The following COQ3 variants were observed in gnomAD, a reference collection of about 807,000 sequenced individuals.
COQ3 encodes the protein ubiquinone biosynthesis O-methyltransferase, mitochondrial.
A neutral mutation model predicts 33.1 loss-of-function variants in COQ3; 29 were observed. The ratio of observed to expected loss-of-function variants is 0.88; its 90% confidence interval spans 0.65 to 1.19. The LOEUF (loss-of-function observed/expected upper bound fraction) is 1.19. Ranked by LOEUF, COQ3 falls within the 50% of genes most tolerant of loss-of-function variation. The probability of loss-of-function intolerance (pLI) is 0.00; values close to 1 mark genes in which losing one functional copy is unlikely to be tolerated. For missense variants in COQ3, 437 were observed against 430.7 expected, an observed-to-expected ratio of 1.01 and a Z score of -0.13; for synonymous variants, 173 against 157.8, an observed-to-expected ratio of 1.10 and a Z score of -0.72.
intron 3 of COQ3, among the ~76,000 whole-genome samples, chr6:99,379,304 TTAAG>T (rs1302555645): frequency 2.0e-5 from 3 of 152,182 alleles, no homozygotes; most frequent in Non-Finnish European, 4.4e-5. Context: ...ATTCATCACG[TTAAG>T]TGAGAATTCT....
chr6:99,381,925 C>CAA (rs57680059), intron 2 of COQ3, among the ~76,000 whole-genome samples: 3,331 of 121,622 alleles, frequency 0.027, 62 homozygotes, highest in East Asian at 0.045. Context: ...GACTCTGTCT[C>CAA]AAAAAAAAAA....
At chr6:99,386,162 GC>G (rs1184269346) in intron 1 of COQ3, among the ~76,000 whole-genome samples, 1 of 151,936 alleles carries the variant, frequency 6.6e-6, no homozygotes, top group Non-Finnish European at 1.5e-5. Context: ...GGGTGAGGGG[GC>G]TCACATCTGT....
rs1273881614 is a variant in COQ3, at chr6:99,380,323, C to G, written c.252G>C (p.Leu84=). ...IKSFRYPWAR[L]YSTSQTTVDS... Reference sequence around the variant, plus strand: ...CGACAGTGGTTTGGGAAGTACTGTACAGTCTCGCCCAAGGGTACCTAAAAG... The same window carrying G: ...CGACAGTGGTTTGGGAAGTACTGTAGAGTCTCGCCCAAGGGTACCTAAAAG... Residue 84 remains leucine, a synonymous_variant, in exon 3 of 7, where the codon CTG becomes CTC. Coordinates refer to ENST00000254759, the MANE Select transcript of COQ3 (RefSeq NM_017421.4). 6.2e-7 allele frequency: 1 copy of G among 1,613,850 alleles called. No homozygotes were observed. The highest frequency in any genetic ancestry group is 1.1e-5 in the South Asian group (1 of 91,056).
intron 3 of COQ3, among the ~76,000 whole-genome samples, chr6:99,378,345 C>A (rs1774367141): frequency 6.6e-6 from 1 of 151,580 alleles, no homozygotes; most frequent in African/African-American, 2.4e-5. Flanking sequence ...ACAGAAAAGA[C>A]CCATTTCAAA....
intron 3 of COQ3, among the ~76,000 whole-genome samples, chr6:99,379,258 A>G (rs561400532): frequency 6.6e-6 from 1 of 152,306 alleles, no homozygotes; most frequent in East Asian, 1.9e-4. Flanking sequence ...GATAAAAAAT[A>G]TTTTTAAAGG....
intron 1 of COQ3, among the ~76,000 whole-genome samples, chr6:99,386,842 T>C (rs1379469968): frequency 6.6e-6 from 1 of 152,138 alleles, no homozygotes; most frequent in Non-Finnish European, 1.5e-5. Flanking sequence ...CGCTGGTGAA[T>C]TCTACCAAAC....
chr6:99,371,526 A>G lies in COQ3; in HGVS notation c.791T>C (p.Ile264Thr). The G allele has an allele frequency of 1.2e-6, 2 of 1,608,510 alleles. No homozygotes were observed. Among genetic ancestry groups the G allele is most frequent in the East Asian group, 2.2e-5 (1 of 44,588 alleles). The part of the protein sequence containing the change: ...NKTQLSYALG[I>T]VFSEQIASIV... Reference sequence around the variant, plus strand: ...ACTTGCAATTTGCTCTGAAAAAACAATTCCCAAGGCATAGGAAAGTTGTGT... The same window carrying G: ...ACTTGCAATTTGCTCTGAAAAAACAGTTCCCAAGGCATAGGAAAGTTGTGT... Residue 264 changes from isoleucine to threonine, a missense_variant, in exon 6 of 7, where the codon ATT becomes ACT. Physicochemically the swap from Ile to Thr is moderately conservative, Grantham distance 89. Coordinates refer to ENST00000254759, the MANE Select transcript of COQ3 (RefSeq NM_017421.4).
At chr6:99,390,814 C>G (rs1774803940) in intron 1 of COQ3, among the ~76,000 whole-genome samples, 5 of 152,182 alleles carry the variant, frequency 3.3e-5, no homozygotes, top group Admixed American at 3.3e-4. Flanking sequence ...CCCACCTCAG[C>G]CCCTCGAGTA....
chr6:99,391,732 T>TCAATG (rs1353473616), intron 1 of COQ3, among the ~76,000 whole-genome samples: 2 of 152,280 alleles, frequency 1.3e-5, no homozygotes, highest in Non-Finnish European at 2.9e-5. Flanking sequence ...ACGCAGTGGC[T>TCAATG]CAATGCCTGT....
intron 1 of COQ3, among the ~76,000 whole-genome samples, chr6:99,386,876 C>A (rs985444964): frequency 1.3e-5 from 2 of 152,058 alleles, no homozygotes; most frequent in Non-Finnish European, 2.9e-5. Flanking sequence ...ACAACCAATT[C>A]TACTTAATCT....
At chr6:99,373,433 A>C (rs1262559966) in intron 5 of COQ3, among the ~76,000 whole-genome samples, 1 of 139,580 alleles carries the variant, frequency 7.2e-6, no homozygotes, top group Non-Finnish European at 1.6e-5. Context: ...CCTGTCTCTG[A>C]AAAAAAAAAA....
intron 5 of COQ3, among the ~76,000 whole-genome samples, chr6:99,373,016 T>G (rs1040470352): frequency 2.6e-5 from 4 of 152,122 alleles, no homozygotes; most frequent in Non-Finnish European, 5.9e-5. Flanking sequence ...AACAAAAATA[T>G]CATACACTAT....
Position 99,369,431 on chromosome 6 carries a change from C to T in COQ3, c.*169G>A, listed in dbSNP as rs979506692. 1.7e-6 allele frequency: 1 copy of T among 582,918 alleles called. No homozygotes were observed. Among genetic ancestry groups the T allele is most frequent in the Non-Finnish European group, 3.0e-6 (1 of 331,930 alleles). 36.1% of individuals were successfully genotyped at this position (582,918 alleles called of 1,614,324 possible). Reference sequence around the variant, plus strand: ...TGACAAAACTTTTTATTCACAGAATCCCTTGAAAGTAGCTATTAGACGAAA... The same window carrying T: ...TGACAAAACTTTTTATTCACAGAATTCCTTGAAAGTAGCTATTAGACGAAA... On this transcript the variant is annotated 3_prime_UTR_variant, in exon 7 of 7. Coordinates refer to ENST00000254759, the MANE Select transcript of COQ3 (RefSeq NM_017421.4).
At chr6:99,388,533 C>T (rs1258927130) in intron 1 of COQ3, among the ~76,000 whole-genome samples, 2 of 150,918 alleles carry the variant, frequency 1.3e-5, no homozygotes, top group African/African-American at 4.9e-5. Flanking sequence ...CACAGACATG[C>T]TGATTTTAAA....
chr6:99,383,600 C>T (rs1774531949), intron 2 of COQ3, 98 bp downstream of exon 2: 2 of 833,886 alleles, frequency 2.4e-6, no homozygotes, highest in African/African-American at 1.8e-5. Flanking sequence ...AATCAAGACA[C>T]ATGGACTATT....
At chr6:99,374,362 C>T (rs959850643) in intron 5 of COQ3, among the ~76,000 whole-genome samples, 2 of 152,078 alleles carry the variant, frequency 1.3e-5, no homozygotes, top group Admixed American at 6.6e-5. Context: ...ATTTTGTGCC[C>T]TAGGTGTCTC....
At chr6:99,379,327 G>C (rs1411800322) in intron 3 of COQ3, among the ~76,000 whole-genome samples, 3 of 152,220 alleles carry the variant, frequency 2.0e-5, no homozygotes, top group Non-Finnish European at 2.9e-5. Flanking sequence ...CTCACGTTAA[G>C]TGAGAATGGT....
At chr6:99,383,858 T>A (rs761107893) in intron 1 of COQ3, 34 bp from the exon 2 acceptor site, 14 of 1,506,704 alleles carry the variant, frequency 9.3e-6, no homozygotes, top group African/African-American at 2.9e-5. Flanking sequence ...AGAGAAAAGC[T>A]TTGCACAGTA....
chr6:99,386,203 G>A (rs1343699812), intron 1 of COQ3, among the ~76,000 whole-genome samples: 2 of 152,072 alleles, frequency 1.3e-5, no homozygotes, highest in Non-Finnish European at 2.9e-5. Flanking sequence ...GCCAAGGCAA[G>A]TGGATCACTT....
Sources: gnomAD v4.1 joint callset for allele counts (sites outside exome capture counted in the v4.1 genomes callset) on GRCh38, gnomAD v4.1.1 for gene constraint, MANE v1.5 for transcripts, NCBI Gene and HGNC (gene_info 2026-07-23, HGNC 2026-07-21) for gene names.